Variants in SEPTIN9 observed in about 807,000 individuals in gnomAD.
SEPTIN9 encodes septin 9, also known as septin-9.
SEPTIN9 carries 13 observed loss-of-function variants against 56.6 expected under a neutral mutation model. The observed-to-expected ratio is 0.23, with a 90% CI of 0.15 to 0.37. SEPTIN9 has a LOEUF of 0.37. Among genes scored for constraint, SEPTIN9 ranks in the 10% least tolerant of loss-of-function variants. The probability of loss-of-function intolerance (pLI) is 1.00; values close to 1 mark genes in which losing one functional copy is unlikely to be tolerated. For synonymous variants in SEPTIN9, 332 were observed against 334.1 expected (o/e 0.99, Z 0.07); for missense variants, 650 against 823.1 (o/e 0.79, Z 2.57).
At chr17:77,471,460 C>T (rs1256165904) in intron 3 of SEPTIN9, among the ~76,000 whole-genome samples, 2 of 152,274 alleles carry the variant, frequency 1.3e-5, no homozygotes, top group African/African-American at 2.4e-5. Flanking sequence ...AGACCCTTGT[C>T]TAAGTTTTGT....
At chr17:77,376,040 G>T (rs1026227315) in intron 2 of SEPTIN9, 1 of 952,424 alleles carries the variant, frequency 1.0e-6, no homozygotes, top group Non-Finnish European at 1.2e-6. Context: ...GGCAGCTTCC[G>T]AATCAGGGTA....
intron 3 of SEPTIN9, among the ~76,000 whole-genome samples, chr17:77,454,661 C>G (rs2038116415): frequency 6.6e-6 from 1 of 152,226 alleles, no homozygotes; most frequent in African/African-American, 2.4e-5. Context: ...CACCTCAGCC[C>G]CTCCCAGAGT....
intron 3 of SEPTIN9, among the ~76,000 whole-genome samples, chr17:77,417,110 C>T (rs1188248579): frequency 6.6e-6 from 1 of 152,228 alleles, no homozygotes; most frequent in African/African-American, 2.4e-5. Context: ...GCCTCCCTGT[C>T]CTCAGTTTCC....
chr17:77,373,409 G>C lies in SEPTIN9; in HGVS notation c.77-28650G>C, dbSNP rs945145633. 4.7e-6 allele frequency: 6 copies of C among 1,264,942 alleles called. No homozygotes were observed. The Admixed American group carries it at 2.2e-4, about 46-fold the overall frequency. 78.4% of individuals were successfully genotyped at this position (1,264,942 alleles called of 1,614,324 possible). On this transcript the variant is annotated intron_variant, in intron 2 of 11. Transcript: ENST00000427177. The stretch of plus-strand genomic sequence containing the variant: ...CTCTGCACTGCAGGAGCGCGGGCGC[G>C]GCGCCCCAGCCAGCGCGCAGGGCCC...
intron 7 of SEPTIN9, among the ~76,000 whole-genome samples, chr17:77,489,646 G>T (rs947415163): frequency 6.6e-6 from 1 of 152,192 alleles, no homozygotes; most frequent in Non-Finnish European, 1.5e-5. Flanking sequence ...GGCGGAGGAA[G>T]CCCAGGGGTT....
At position 77,445,372 on chromosome 17, in the gene SEPTIN9, C is replaced by T. The variant is rs1368546650; in HGVS notation, c.722-36772C>T. ...GGCATTTGATGGGAAGCATCTGCTG[C>T]ATCCCATTGGGGTGTTGCCCAGGAT... On this transcript the variant is annotated intron_variant, in intron 3 of 11. Transcript: ENST00000427177. The surrounding 1 kb of genome is among the most constrained non-coding windows in gnomAD (Gnocchi z 4.7). 1 of 465,888 alleles carries T rather than the reference C, an allele frequency of 2.1e-6. No homozygotes were observed. The highest frequency in any genetic ancestry group is 4.4e-6 in the Non-Finnish European group (1 of 227,052). The allele number at this position is 465,888 out of a possible 1,614,324, so 28.9% of individuals were successfully genotyped here.
intron 2 of SEPTIN9, among the ~76,000 whole-genome samples, chr17:77,401,223 G>C (rs1016350957): frequency 1.3e-5 from 2 of 152,204 alleles, no homozygotes; most frequent in Non-Finnish European, 1.5e-5. Flanking sequence ...CTGCAGATGT[G>C]ATGAGCTCGG....
At chr17:77,294,010 G>A (rs1431154630) in intron 1 of SEPTIN9, among the ~76,000 whole-genome samples, 2 of 151,912 alleles carry the variant, frequency 1.3e-5, no homozygotes, top group African/African-American at 4.8e-5. Flanking sequence ...AGGCTGAGGT[G>A]GGAGGATTGC....
chr17:77,464,767 AT>A (rs537872147), intron 3 of SEPTIN9, among the ~76,000 whole-genome samples: 66 of 146,546 alleles, frequency 4.5e-4, no homozygotes, highest in Admixed American at 8.2e-4. Flanking sequence ...CACCCGGCTA[AT>A]TTTTTTTTTT....
At chr17:77,395,946 T>A (rs1474598489) in intron 2 of SEPTIN9, among the ~76,000 whole-genome samples, 8 of 152,264 alleles carry the variant, frequency 5.3e-5, no homozygotes, top group Non-Finnish European at 2.9e-5. Flanking sequence ...ATTATTTCCT[T>A]GGGATAAATT....
intron 1 of SEPTIN9, among the ~76,000 whole-genome samples, chr17:77,291,382 T>C (rs2031546012): frequency 6.7e-6 from 1 of 150,002 alleles, no homozygotes; most frequent in South Asian, 2.2e-4. Context: ...GCGCGGTGGC[T>C]CATGCCTGTA....
intron 2 of SEPTIN9, among the ~76,000 whole-genome samples, chr17:77,366,496 T>A (rs538381870): frequency 8.5e-5 from 13 of 152,262 alleles, no homozygotes; most frequent in African/African-American, 3.1e-4. Context: ...GCTCACCAGG[T>A]GTGCAAATAA....
At chr17:77,474,842 T>A (rs1254984866) in intron 3 of SEPTIN9, among the ~76,000 whole-genome samples, 1 of 152,124 alleles carries the variant, frequency 6.6e-6, no homozygotes, top group African/African-American at 2.4e-5. Context: ...TGATGATCCA[T>A]CAGTTATAAT....
intron 3 of SEPTIN9, among the ~76,000 whole-genome samples, chr17:77,457,216 C>A (rs1465377422): frequency 6.6e-6 from 1 of 152,184 alleles, no homozygotes; most frequent in Non-Finnish European, 1.5e-5. Context: ...ATCCATACAG[C>A]CTCGGCCCTC....
chr17:77,442,152 G>GTCAGTTACAGATTAGACA (rs2037568904), intron 3 of SEPTIN9: 1 of 152,204 alleles, frequency 6.6e-6, no homozygotes, highest in Non-Finnish European at 1.5e-5. Flanking sequence ...ATTGTTCACA[G>GTCAGTTACAGATTAGACA]TCAGTTACAG....
rs1297799022 is a variant in SEPTIN9 at position 77,495,136 on chromosome 17, G to C, written c.1573+2060G>C. On this transcript the variant is annotated intron_variant, in intron 10 of 11. Coordinates refer to ENST00000427177, the MANE Select transcript of SEPTIN9 (RefSeq NM_001113491.2). ...CTGCTGCACCCTGGTGGCCAACCTT[G>C]AGTACCGCAGGTGGCCGGTGACAGA... 2.6e-5 allele frequency among the ~76,000 whole-genome samples: 4 copies of C among 152,086 alleles called. No individual in the cohort carries two copies. In the East Asian group the frequency reaches 7.7e-4, roughly 29 times the overall value.
chr17:77,476,659 G>A lies in SEPTIN9; in HGVS notation c.722-5485G>A, dbSNP rs1050273566. Reference sequence around the variant, plus strand: ...GTGACCTACTGCCACCAGCGCCAGTGAATGGCAGAGGGGCCCTGGCATAAG... The same window carrying A: ...GTGACCTACTGCCACCAGCGCCAGTAAATGGCAGAGGGGCCCTGGCATAAG... On this transcript the variant is annotated intron_variant, in intron 3 of 11. Coordinates refer to ENST00000427177, the MANE Select transcript of SEPTIN9 (RefSeq NM_001113491.2). The surrounding 1 kb of genome is among the most constrained non-coding windows in gnomAD (Gnocchi z 6.0). Among the ~76,000 whole-genome samples the A allele has an allele frequency of 5.9e-5, 9 of 152,262 alleles. No individual in the cohort carries two copies. The highest frequency in any genetic ancestry group is 2.1e-4 in the South Asian group (1 of 4,836).
chr17:77,438,144 G>A (rs1173189845), intron 3 of SEPTIN9, among the ~76,000 whole-genome samples: 1 of 152,216 alleles, frequency 6.6e-6, no homozygotes, highest in Non-Finnish European at 1.5e-5. Flanking sequence ...CCGTTGGGCC[G>A]AGGTCAGTTC....
chr17:77,331,305 G>A (rs1373975041), intron 2 of SEPTIN9, among the ~76,000 whole-genome samples: 1 of 152,226 alleles, frequency 6.6e-6, no homozygotes, highest in Non-Finnish European at 1.5e-5. Context: ...CTGCGTCAGA[G>A]GGAGAGAGGA....
Sources: allele counts gnomAD v4.1 joint callset (sites outside exome capture counted in the v4.1 genomes callset), GRCh38; gene constraint gnomAD v4.1.1; non-coding constraint Gnocchi (gnomAD v3.1); transcripts MANE v1.5; gene names NCBI Gene and HGNC (gene_info 2026-07-23, HGNC 2026-07-21).